FAM3C: variants seen among roughly 807,000 people sequenced by gnomAD.
FAM3C encodes the protein protein FAM3C.
Under a neutral mutation model 32.5 loss-of-function variants are expected in FAM3C, and 15 were observed. The ratio of observed to expected loss-of-function variants is 0.46; its 90% CI spans 0.31 to 0.71. The LOEUF (loss-of-function observed/expected upper bound fraction) is 0.71, where lower values mean the gene tolerates loss of function less well. FAM3C is among the 30% of genes least tolerant of loss of function. FAM3C has a pLI of 0.05. For synonymous variants in FAM3C, 75 were observed against 86.1 expected (o/e 0.87, Z 0.72); for missense variants, 175 against 274.4 (o/e 0.64, Z 2.56).
intron 2 of FAM3C, among the ~76,000 whole-genome samples, chr7:121,379,667 G>A (rs1226081770): frequency 6.6e-6 from 1 of 152,106 alleles, no homozygotes; most frequent in Non-Finnish European, 1.5e-5. Flanking sequence ...AGCTCCAAGT[G>A]CGCAGACTCT....
intron 7 of FAM3C, 170 bp downstream of exon 7, chr7:121,362,727 A>G: frequency 1.7e-6 from 1 of 581,202 alleles, no homozygotes; most frequent in East Asian, 3.4e-5. Context: ...AAAGTATATA[A>G]AACATGAATG....
chr7:121,358,303 T>C (rs1189873557), intron 8 of FAM3C, among the ~76,000 whole-genome samples: 1 of 152,076 alleles, frequency 6.6e-6, no homozygotes, highest in Non-Finnish European at 1.5e-5. Flanking sequence ...CAAATTTCTG[T>C]ATAAATCTTG....
chr7:121,351,518 A>G, intron 8 of FAM3C: 1 of 390,198 alleles, frequency 2.6e-6, no homozygotes, highest in Non-Finnish European at 4.6e-6. Context: ...ATTTCACAAC[A>G]ATTCACCTTC....
At chr7:121,353,668 G>A (rs1793752293) in intron 8 of FAM3C, among the ~76,000 whole-genome samples, 1 of 152,176 alleles carries the variant, frequency 6.6e-6, no homozygotes, top group African/African-American at 2.4e-5. Context: ...TAGGCAGAGG[G>A]TGCCTACATG....
At position 121,383,110 on chromosome 7, in the gene FAM3C, G is replaced by A. The variant is rs918617519; in HGVS notation, c.-41-100C>T. On this transcript the variant is annotated intron_variant, in intron 1 of 9. Transcript: ENST00000359943. ...GGGCATATAAACTAGTAAATTTTAT[G>A]ACATTTCTAAGTATTATGCCAACAT... 1.8e-4 allele frequency: 105 copies of A among 572,906 alleles called. No individual in the cohort carries two copies. In the African/African-American group the frequency reaches 1.9e-3, roughly 10 times the overall value. 35.5% of individuals were successfully genotyped at this position (572,906 alleles called of 1,614,324 possible). A position where few individuals can be genotyped will look rare whatever the true frequency, so the allele number is the denominator to read the frequency against.
chr7:121,372,969 A>C (rs1179236937), intron 3 of FAM3C, among the ~76,000 whole-genome samples: 1 of 152,194 alleles, frequency 6.6e-6, no homozygotes, highest in African/African-American at 2.4e-5. Flanking sequence ...GAAATGTTTA[A>C]AAAGAGGAAA....
intron 1 of FAM3C, 132 bp from the exon 2 acceptor site, chr7:121,383,142 T>TAA (rs35702337): frequency 1.4e-3 from 642 of 450,132 alleles, no homozygotes; most frequent in South Asian, 2.5e-3. Flanking sequence ...ACATTGGCAT[T>TAA]AAAAAAAAAA....
In FAM3C at chr7:121,364,110, G is replaced by A. The variant is rs375045637; in HGVS notation, c.331+20C>T. 3 of 1,524,670 alleles carry A rather than the reference G, an allele frequency of 2.0e-6. No homozygotes were observed. The highest frequency in any genetic ancestry group is 2.3e-5 in the East Asian group (1 of 44,436). 94.4% of individuals were successfully genotyped at this position (1,524,670 alleles called of 1,614,324 possible). ...AAATACCCAATGATTACATCCATAA[G>A]CTAAAATAATTGTTCTTACCATTTG... is the stretch of plus-strand genomic sequence containing the variant. On this transcript the variant is annotated intron_variant, in intron 6 of 9. Transcript: ENST00000359943.
At chr7:121,379,621 C>A (rs545084563) in intron 2 of FAM3C, among the ~76,000 whole-genome samples, 3 of 152,222 alleles carry the variant, frequency 2.0e-5, no homozygotes, top group South Asian at 4.1e-4. Context: ...TAATTTGGTA[C>A]CTATCACATA....
At chr7:121,379,784 T>C (rs1010967473) in intron 2 of FAM3C, among the ~76,000 whole-genome samples, 4 of 152,298 alleles carry the variant, frequency 2.6e-5, no homozygotes, top group East Asian at 3.9e-4. Flanking sequence ...AGGGAGTATG[T>C]AGAAAATCTC....
chr7:121,392,059 C>T (rs1168505859), intron 1 of FAM3C, among the ~76,000 whole-genome samples: 2 of 152,156 alleles, frequency 1.3e-5, no homozygotes, highest in Non-Finnish European at 2.9e-5. Context: ...ATTTTCTTTG[C>T]TTTACATCTG....
intron 5 of FAM3C, among the ~76,000 whole-genome samples, chr7:121,370,638 A>G (rs1007431016): frequency 6.6e-6 from 1 of 152,198 alleles, no homozygotes; most frequent in Non-Finnish European, 1.5e-5. Flanking sequence ...CCTAAAAACC[A>G]TCCTTTAGAA....
intron 1 of FAM3C, among the ~76,000 whole-genome samples, chr7:121,393,584 T>C (rs1794622550): frequency 6.6e-6 from 1 of 152,060 alleles, no homozygotes; most frequent in Non-Finnish European, 1.5e-5. Context: ...AATATAAGAA[T>C]AGCTTCAATC....
At chr7:121,359,193 A>G (rs1793874652) in intron 8 of FAM3C, among the ~76,000 whole-genome samples, 1 of 152,050 alleles carries the variant, frequency 6.6e-6, no homozygotes, top group Admixed American at 6.5e-5. Context: ...TCCACTTTAA[A>G]AAAAAGAAGT....
intron 8 of FAM3C, among the ~76,000 whole-genome samples, chr7:121,352,196 T>A (rs1025508519): frequency 3.3e-5 from 5 of 152,212 alleles, no homozygotes; most frequent in Admixed American, 1.3e-4. Context: ...AGGTACTTAT[T>A]CATTCTACAG....
chr7:121,392,146 T>A (rs905320740), intron 1 of FAM3C, among the ~76,000 whole-genome samples: 1 of 152,230 alleles, frequency 6.6e-6, no homozygotes, highest in African/African-American at 2.4e-5. Context: ...GCTCAATTCA[T>A]GAATTGTTTG....
At chr7:121,351,009 C>A in intron 9 of FAM3C, 134 bp downstream of exon 9, 2 of 855,798 alleles carry the variant, frequency 2.3e-6, no homozygotes, top group East Asian at 2.6e-5. Flanking sequence ...AACTGATTAC[C>A]AAGAATTTAT....
At chr7:121,360,813 T>C (rs1321240562) in intron 7 of FAM3C, among the ~76,000 whole-genome samples, 1 of 152,012 alleles carries the variant, frequency 6.6e-6, no homozygotes, top group Non-Finnish European at 1.5e-5. Context: ...CTAGCCTGGT[T>C]GACACAGCAA....
At chr7:121,394,383 T>A (rs1794642701) in intron 1 of FAM3C, among the ~76,000 whole-genome samples, 1 of 152,228 alleles carries the variant, frequency 6.6e-6, no homozygotes, top group Non-Finnish European at 1.5e-5. Context: ...CAATCCACAT[T>A]AAAAATCTGT....
Sources: gnomAD v4.1 joint callset for allele counts (sites outside exome capture counted in the v4.1 genomes callset) on GRCh38, gnomAD v4.1.1 for gene constraint, MANE v1.5 for transcripts, NCBI Gene and HGNC (gene_info 2026-07-23, HGNC 2026-07-21) for gene names.